OPCML: variants seen among roughly 807,000 people sequenced by gnomAD.
OPCML encodes opioid-binding protein/cell adhesion molecule.
In OPCML, 13 loss-of-function variants were observed where a neutral mutation model predicts 37.8. That is an observed-to-expected ratio of 0.34 (90% CI 0.22 to 0.55). The LOEUF is 0.55. OPCML is among the 20% of genes least tolerant of loss of function. OPCML has a pLI of 0.91. For synonymous variants in OPCML, 176 were observed against 168.8 expected, an observed-to-expected ratio of 1.04 and a Z score of -0.33; for missense variants, 341 against 435.6, an observed-to-expected ratio of 0.78 and a Z score of 1.93.
chr11:133,243,865 T>C (rs965799077), intron 1 of OPCML, among the ~76,000 whole-genome samples: 1 of 152,222 alleles, frequency 6.6e-6, no homozygotes, highest in African/African-American at 2.4e-5. Flanking sequence ...TGGGGACCTC[T>C]TGGAGCCAGG....
At chr11:133,092,773 T>C (rs1018505516) in intron 1 of OPCML, among the ~76,000 whole-genome samples, 4 of 152,102 alleles carry the variant, frequency 2.6e-5, no homozygotes, top group African/African-American at 9.7e-5. Context: ...TATCTTGTTC[T>C]TTCTCTGTGA....
chr11:132,727,078 G>C (rs532819890), intron 2 of OPCML, among the ~76,000 whole-genome samples: 1 of 152,160 alleles, frequency 6.6e-6, no homozygotes, highest in East Asian at 1.9e-4. Flanking sequence ...AACATTTATC[G>C]GGGACTCACT....
chr11:132,873,674 C>A (rs988852706), intron 2 of OPCML, among the ~76,000 whole-genome samples: 1 of 127,322 alleles, frequency 7.9e-6, no homozygotes. Context: ...TATAAAGAGA[C>A]ATCAAAAATT....
intron 1 of OPCML, among the ~76,000 whole-genome samples, chr11:133,245,924 A>G (rs1303772879): frequency 6.6e-6 from 1 of 152,136 alleles, no homozygotes; most frequent in Non-Finnish European, 1.5e-5. Context: ...CAATGAGAAC[A>G]CATGGACACA....
At chr11:133,529,885 AG>A (rs1474300697) in intron 1 of OPCML, among the ~76,000 whole-genome samples, 1 of 152,244 alleles carries the variant, frequency 6.6e-6, no homozygotes, top group African/African-American at 2.4e-5. Flanking sequence ...GGATCCAGCC[AG>A]GTTTCCCACA....
At chr11:132,426,146 A>T (rs1433781802) in intron 7 of OPCML, among the ~76,000 whole-genome samples, 2 of 152,228 alleles carry the variant, frequency 1.3e-5, no homozygotes, top group Non-Finnish European at 2.9e-5. Flanking sequence ...CAACACAGTG[A>T]CAACAACAAA....
chr11:132,498,903 C>A (rs2096239648), intron 4 of OPCML, among the ~76,000 whole-genome samples: 1 of 151,758 alleles, frequency 6.6e-6, no homozygotes, highest in African/African-American at 2.4e-5. Context: ...CTCCAAATCT[C>A]AAAAAAAATG....
chr11:132,490,338 C>T (rs1175202417), intron 4 of OPCML, among the ~76,000 whole-genome samples: 6 of 152,046 alleles, frequency 3.9e-5, no homozygotes, highest in Non-Finnish European at 8.8e-5. Flanking sequence ...TCTCCTGGTT[C>T]TCCTCCTACT....
chr11:132,773,883 A>T (rs1459813410), intron 2 of OPCML, among the ~76,000 whole-genome samples: 1 of 152,138 alleles, frequency 6.6e-6, no homozygotes, highest in Non-Finnish European at 1.5e-5. Flanking sequence ...AAACAACTCT[A>T]TCAATCACCA....
At chr11:132,517,685 A>G (rs2096283125) in intron 4 of OPCML, among the ~76,000 whole-genome samples, 3 of 152,334 alleles carry the variant, frequency 2.0e-5, no homozygotes, top group Middle Eastern at 3.4e-3. Context: ...AGAAGGCTTT[A>G]CAACATACAG....
chr11:132,437,764 G>GT (rs2096018125), intron 4 of OPCML, among the ~76,000 whole-genome samples: 1 of 152,212 alleles, frequency 6.6e-6, no homozygotes, highest in South Asian at 2.1e-4. Context: ...GTATGTTACT[G>GT]TGGAGCACAT....
intron 2 of OPCML, among the ~76,000 whole-genome samples, chr11:132,669,945 A>C (rs1227387512): frequency 6.6e-6 from 1 of 152,108 alleles, no homozygotes; most frequent in Non-Finnish European, 1.5e-5. Context: ...GGGATGCCTT[A>C]AGAAGCCACC....
At chr11:133,325,228 C>T (rs1370357670) in intron 1 of OPCML, among the ~76,000 whole-genome samples, 1 of 152,192 alleles carries the variant, frequency 6.6e-6, no homozygotes, top group Non-Finnish European at 1.5e-5. Flanking sequence ...ATTCTGATAG[C>T]GAATGCGAGA....
At chr11:132,482,441 C>A (rs1412039629) in intron 4 of OPCML, among the ~76,000 whole-genome samples, 2 of 151,876 alleles carry the variant, frequency 1.3e-5, no homozygotes, top group Non-Finnish European at 2.9e-5. Flanking sequence ...GCTTACCAAC[C>A]AAAAAGAGTC....
chr11:133,087,121 G>C (rs571499841), intron 1 of OPCML, among the ~76,000 whole-genome samples: 3 of 152,342 alleles, frequency 2.0e-5, no homozygotes, highest in Admixed American at 2.0e-4. Context: ...AAGAGGTTAA[G>C]TGACTGAATG....
intron 3 of OPCML, among the ~76,000 whole-genome samples, chr11:132,633,639 A>G (rs150834545): frequency 7.2e-5 from 11 of 152,090 alleles, no homozygotes; most frequent in African/African-American, 2.7e-4. Context: ...AGACAAAATA[A>G]AGAGCTGATA....
chr11:132,994,708 C>T (rs541345398), intron 1 of OPCML, among the ~76,000 whole-genome samples: 2 of 152,294 alleles, frequency 1.3e-5, no homozygotes, highest in East Asian at 3.9e-4. Context: ...CCTCCAAATG[C>T]CAGGCTCTGT....
At chr11:132,954,800 C>T (rs1018976296) in intron 1 of OPCML, among the ~76,000 whole-genome samples, 5 of 151,904 alleles carry the variant, frequency 3.3e-5, no homozygotes, top group Non-Finnish European at 7.4e-5. Context: ...TTCTGAGCAA[C>T]GCAAACACAT....
chr11:133,090,274 C>T (rs1352911526), intron 1 of OPCML, among the ~76,000 whole-genome samples: 1 of 152,152 alleles, frequency 6.6e-6, no homozygotes, highest in African/African-American at 2.4e-5. Context: ...TGCTGCAACA[C>T]ATACCTAAAA....
Sources: allele counts gnomAD v4.1 joint callset (sites outside exome capture counted in the v4.1 genomes callset), GRCh38; gene constraint gnomAD v4.1.1; transcripts MANE v1.5; gene names NCBI Gene and HGNC (gene_info 2026-07-23, HGNC 2026-07-21).